MPP7: variants seen among roughly 807,000 people sequenced by gnomAD.
The protein encoded by MPP7 is MAGUK p55 subfamily member 7.
MPP7 carries 60 observed loss-of-function variants against 76.5 expected under a neutral mutation model. The ratio of observed to expected loss-of-function variants is 0.78; its 90% CI spans 0.64 to 0.97. The LOEUF is 0.97. Ranked by LOEUF, MPP7 falls within the 50% of genes least tolerant of loss-of-function variation. MPP7 has a pLI of 0.00. For missense variants in MPP7, 641 were observed against 694.0 expected, an observed-to-expected ratio of 0.92 and a Z score of 0.86; for synonymous variants, 237 against 244.5, an observed-to-expected ratio of 0.97 and a Z score of 0.29.
chr10:28,147,575 A>T lies in MPP7; in HGVS notation c.235-12T>A. ...AGCTCTTCGGCCAGCTGCAACGGAG[A>T]TTACATTGACTTAAAGAACATTTAG... On this transcript the variant is annotated splice_polypyrimidine_tract_variant and intron_variant, in intron 4 of 16. Coordinates refer to ENST00000683449, the MANE Select transcript of MPP7 (RefSeq NM_001318170.2). The T allele has an allele frequency of 6.2e-7, 1 of 1,612,468 alleles. No homozygotes were observed. The highest frequency in any genetic ancestry group is 8.5e-7 in the Non-Finnish European group (1 of 1,178,540).
intron 1 of MPP7, among the ~76,000 whole-genome samples, chr10:28,292,970 T>C (rs959783103): frequency 1.4e-5 from 2 of 142,378 alleles, no homozygotes; most frequent in African/African-American, 2.7e-5. Flanking sequence ...TCGTTTGCCA[T>C]AGAAGAAAAT....
intron 1 of MPP7, among the ~76,000 whole-genome samples, chr10:28,333,900 G>T (rs1703881292): frequency 6.6e-6 from 1 of 152,102 alleles, no homozygotes; most frequent in African/African-American, 2.4e-5. Flanking sequence ...AGACATAATA[G>T]TAGCCAAGGG....
intron 11 of MPP7, among the ~76,000 whole-genome samples, chr10:28,105,005 T>C (rs1370119123): frequency 1.3e-5 from 2 of 150,610 alleles, no homozygotes; most frequent in African/African-American, 2.4e-5. Context: ...AGACCAAGAG[T>C]TGAATGGAGT....
At chr10:28,116,505 T>C (rs1365326059) in intron 11 of MPP7, among the ~76,000 whole-genome samples, 1 of 152,126 alleles carries the variant, frequency 6.6e-6, no homozygotes, top group Non-Finnish European at 1.5e-5. Context: ...TAAAAGCTGG[T>C]CATATAAAAG....
intron 1 of MPP7, among the ~76,000 whole-genome samples, chr10:28,276,477 G>A (rs897360646): frequency 6.6e-6 from 1 of 152,054 alleles, no homozygotes; most frequent in Admixed American, 6.6e-5. Flanking sequence ...ATGAGAAATA[G>A]CTTCTATATA....
intron 1 of MPP7, among the ~76,000 whole-genome samples, chr10:28,248,490 C>T (rs1839509346): frequency 1.3e-5 from 2 of 152,168 alleles, no homozygotes; most frequent in Non-Finnish European, 2.9e-5. Context: ...TCTCAGCTTC[C>T]TTGGCCTCCC....
At chr10:28,255,666 A>T (rs1839762036) in intron 1 of MPP7, among the ~76,000 whole-genome samples, 1 of 152,122 alleles carries the variant, frequency 6.6e-6, no homozygotes, top group Non-Finnish European at 1.5e-5. Context: ...CAGCCTCCCA[A>T]AGTGCTGGGA....
intron 3 of MPP7, among the ~76,000 whole-genome samples, chr10:28,178,517 G>A (rs1012298096): frequency 2.0e-5 from 3 of 151,838 alleles, no homozygotes; most frequent in East Asian, 1.9e-4. Context: ...AAATGAAACC[G>A]AAACCATTCT....
chr10:28,120,759 T>G, intron 8 of MPP7, 91 bp from the exon 9 acceptor site: 1 of 992,618 alleles, frequency 1.0e-6, no homozygotes, highest in Non-Finnish European at 1.5e-6. Flanking sequence ...ATCTGAAAAT[T>G]TACAAGCTTG....
chr10:28,165,922 G>A (rs1836437389), intron 3 of MPP7, among the ~76,000 whole-genome samples: 1 of 151,388 alleles, frequency 6.6e-6, no homozygotes, highest in Non-Finnish European at 1.5e-5. Context: ...CTACTTGGGA[G>A]GCTGAGGCCG....
intron 3 of MPP7, among the ~76,000 whole-genome samples, chr10:28,184,872 AT>A (rs200570497): frequency 0.078 from 11,504 of 146,774 alleles, 984 homozygotes; most frequent in East Asian, 0.43. Flanking sequence ...GATTTTTATG[AT>A]TTTTTATAAT....
chr10:28,205,616 C>G (rs1021071917), intron 2 of MPP7, among the ~76,000 whole-genome samples: 4 of 152,146 alleles, frequency 2.6e-5, no homozygotes, highest in African/African-American at 9.7e-5. Flanking sequence ...AAATCAGTCA[C>G]AGCTCCTGTC....
At chr10:28,228,183 A>T (rs112092855) in intron 2 of MPP7, among the ~76,000 whole-genome samples, 1 of 152,230 alleles carries the variant, frequency 6.6e-6, no homozygotes, top group Non-Finnish European at 1.5e-5. Flanking sequence ...TGAATTACCA[A>T]GAAGAAAAAA....
chr10:28,171,692 C>T (rs1836686458), intron 3 of MPP7, among the ~76,000 whole-genome samples: 1 of 152,146 alleles, frequency 6.6e-6, no homozygotes, highest in African/African-American at 2.4e-5. Context: ...TAGTATATTG[C>T]AGAATCCTCA....
chr10:28,298,772 G>A (rs1411396881), intron 1 of MPP7, among the ~76,000 whole-genome samples: 2 of 152,194 alleles, frequency 1.3e-5, no homozygotes, highest in Admixed American at 6.5e-5. Flanking sequence ...AAAATCTGTT[G>A]TTCAGTGTAG....
intron 13 of MPP7, among the ~76,000 whole-genome samples, chr10:28,063,203 G>A (rs1851861121): frequency 6.6e-6 from 1 of 152,088 alleles, no homozygotes; most frequent in Non-Finnish European, 1.5e-5. Flanking sequence ...CCTCATACCT[G>A]TAATCCCACA....
chr10:28,121,249 G>C (rs1834828523), intron 8 of MPP7, among the ~76,000 whole-genome samples: 1 of 151,248 alleles, frequency 6.6e-6, no homozygotes, highest in African/African-American at 2.4e-5. Context: ...CTCCAGCCTA[G>C]GTGACAGAGC....
At chr10:28,312,601 G>A (rs1004065054) in intron 2 of MPP7, among the ~76,000 whole-genome samples, 7 of 152,080 alleles carry the variant, frequency 4.6e-5, no homozygotes, top group Admixed American at 6.6e-5. Flanking sequence ...AACAAAATAC[G>A]TGAACACTTT....
At chr10:28,208,148 G>T (rs1053491317) in intron 2 of MPP7, among the ~76,000 whole-genome samples, 2 of 152,112 alleles carry the variant, frequency 1.3e-5, no homozygotes, top group Non-Finnish European at 2.9e-5. Flanking sequence ...AAGACTCAGA[G>T]CTCACAGGAG....
Sources: gnomAD v4.1 joint callset for allele counts (sites outside exome capture counted in the v4.1 genomes callset) on GRCh38, gnomAD v4.1.1 for gene constraint, MANE v1.5 for transcripts, NCBI Gene and HGNC (gene_info 2026-07-23, HGNC 2026-07-21) for gene names.